TMCO4: variants seen among roughly 807,000 people sequenced by gnomAD.
TMCO4 encodes transmembrane and coiled-coil domains 4, also known as transmembrane and coiled-coil domain-containing protein 4.
Under a neutral mutation model 64.7 loss-of-function variants are expected in TMCO4, and 58 were observed. The ratio of observed to expected loss-of-function variants is 0.90; its 90% confidence interval spans 0.73 to 1.12. The LOEUF (loss-of-function observed/expected upper bound fraction) is 1.12. Among genes scored for constraint, TMCO4 ranks in the 50% most tolerant of loss-of-function variants. The probability of loss-of-function intolerance (pLI) is 0.00; values close to 1 mark genes in which losing one functional copy is unlikely to be tolerated. For synonymous variants in TMCO4, 325 were observed against 346.1 expected (o/e 0.94, Z 0.68); for missense variants, 780 against 825.9 (o/e 0.94, Z 0.68).
At chr1:19,699,325 C>T (rs2095256385) in intron 14 of TMCO4, among the ~76,000 whole-genome samples, 1 of 151,982 alleles carries the variant, frequency 6.6e-6, no homozygotes, top group African/African-American at 2.4e-5. Context: ...CCCAGAACCT[C>T]TGTACAGGAG....
At chr1:19,723,085 G>A (rs1206184146) in intron 13 of TMCO4, among the ~76,000 whole-genome samples, 4 of 152,186 alleles carry the variant, frequency 2.6e-5, no homozygotes, top group Non-Finnish European at 4.4e-5. Context: ...GGAGGTTAGG[G>A]CCACCTTCTC....
At position 19,780,579 on chromosome 1, in the gene TMCO4, C is replaced by T. The variant is rs775444281; in HGVS notation, c.179+1G>A. On this transcript the variant is annotated splice_donor_variant, in intron 4 of 15. Transcript: ENST00000294543. LOFTEE classifies it high-confidence loss of function. ...TCCCACTGCAAGACAGAAGAACTCA[C>T]CTGTGTTCGGGTTCAGGAAATAACT... 2 of 1,593,894 alleles carry T rather than the reference C, an allele frequency of 1.3e-6. No individual in the cohort carries two copies. Among genetic ancestry groups the T allele is most frequent in the Admixed American group, 1.8e-5 (1 of 55,984 alleles).
rs118131280 is a variant in TMCO4 at position 19,741,075 on chromosome 1, T to G, written c.878-134A>C. The G allele has an allele frequency of 3.2e-6, 3 of 939,668 alleles. No homozygotes were observed. The Admixed American group carries it at 9.5e-5, about 30-fold the overall frequency. The allele number at this position is 939,668 out of a possible 1,614,324, so 58.2% of individuals were successfully genotyped here. ...AAGAGGCCCACCCCCTGCCAATGAGTGGCAGCTGTCAGCAGAGCTAGCGGA... is the reference window on the plus strand; with the variant it reads ...AAGAGGCCCACCCCCTGCCAATGAGGGGCAGCTGTCAGCAGAGCTAGCGGA... On this transcript the variant is annotated intron_variant, in intron 10 of 15. Transcript: ENST00000294543.
At chr1:19,787,903 G>A (rs929159996) in intron 2 of TMCO4, among the ~76,000 whole-genome samples, 11 of 152,020 alleles carry the variant, frequency 7.2e-5, no homozygotes, top group African/African-American at 2.7e-4. Context: ...TTACAGGCAC[G>A]CACCACCATG....
At chr1:19,759,551 C>T (rs1347547722) in intron 6 of TMCO4, among the ~76,000 whole-genome samples, 1 of 152,230 alleles carries the variant, frequency 6.6e-6, no homozygotes, top group African/African-American at 2.4e-5. Context: ...TTCTACCCGG[C>T]CCTGCTTCAG....
chr1:19,756,482 A>G (rs1293086548), intron 6 of TMCO4, among the ~76,000 whole-genome samples: 1 of 152,178 alleles, frequency 6.6e-6, no homozygotes, highest in African/African-American at 2.4e-5. Flanking sequence ...TAATCTTAAG[A>G]AAACAACCGT....
At chr1:19,769,432 A>C (rs1040584447) in intron 6 of TMCO4, among the ~76,000 whole-genome samples, 2 of 152,136 alleles carry the variant, frequency 1.3e-5, no homozygotes, top group African/African-American at 2.4e-5. Flanking sequence ...CGCCCACTGC[A>C]CTGCTGCCCT....
At chr1:19,755,980 C>T (rs1316242615) in intron 6 of TMCO4, among the ~76,000 whole-genome samples, 1 of 152,096 alleles carries the variant, frequency 6.6e-6, no homozygotes, top group Admixed American at 6.6e-5. Context: ...GGTACGGTGG[C>T]TCACTCCTGT....
At position 19,724,970 on chromosome 1, in the gene TMCO4, C is replaced by A. The variant is rs1389581601; in HGVS notation, c.1264+12402G>T. On this transcript the variant is annotated intron_variant, in intron 13 of 15. Transcript: ENST00000294543. ...AGAGACGGGGTTTCACCATGTTGGC[C>A]AGGATGGTCTCAATCTCCTGACCTC... is the stretch of plus-strand genomic sequence containing the variant. Among the ~76,000 whole-genome samples the A allele has an allele frequency of 1.3e-5, 2 of 152,082 alleles. 1 individual carries two copies. The highest frequency in any genetic ancestry group is 4.8e-5 in the African/African-American group (2 of 41,414).
chr1:19,742,419 A>G (rs980838264), intron 10 of TMCO4, among the ~76,000 whole-genome samples: 21 of 152,326 alleles, frequency 1.4e-4, no homozygotes, highest in Admixed American at 2.6e-4. Flanking sequence ...GGTTCTGAGC[A>G]TCAACCTCAG....
intron 15 of TMCO4, among the ~76,000 whole-genome samples, chr1:19,689,185 C>A (rs143175085): frequency 6.6e-6 from 1 of 152,230 alleles, no homozygotes; most frequent in Non-Finnish European, 1.5e-5. Context: ...CCCTTGCCAG[C>A]AACTTCTCCA....
chr1:19,741,681 A>C (rs1412505545), intron 10 of TMCO4, among the ~76,000 whole-genome samples: 2 of 151,284 alleles, frequency 1.3e-5, no homozygotes, highest in African/African-American at 4.9e-5. Context: ...AGGGGCACCT[A>C]ATCTGGCCCC....
At chr1:19,733,452 G>A (rs912772751) in intron 13 of TMCO4, among the ~76,000 whole-genome samples, 1 of 152,132 alleles carries the variant, frequency 6.6e-6, no homozygotes, top group Non-Finnish European at 1.5e-5. Context: ...CATGGGTCAT[G>A]TGTCCATCAA....
At chr1:19,752,625 T>G (rs1437068286) in intron 7 of TMCO4, among the ~76,000 whole-genome samples, 3 of 152,134 alleles carry the variant, frequency 2.0e-5, no homozygotes, top group Non-Finnish European at 4.4e-5. Flanking sequence ...TTCCTAGTAA[T>G]GGCCTGGATG....
intron 2 of TMCO4, among the ~76,000 whole-genome samples, chr1:19,792,747 C>T (rs115887988): frequency 0.015 from 2,195 of 144,080 alleles, 51 homozygotes; most frequent in African/African-American, 0.053. Flanking sequence ...TTGGAGCAGT[C>T]AGTGAAGGTC....
chr1:19,760,114 CAGT>C, intron 6 of TMCO4, among the ~76,000 whole-genome samples: 1 of 152,278 alleles, frequency 6.6e-6, no homozygotes, highest in African/African-American at 2.4e-5. Flanking sequence ...CTCCTCCTCT[CAGT>C]GGGGTCTTCT....
intron 13 of TMCO4, among the ~76,000 whole-genome samples, chr1:19,708,548 CA>C (rs2095314132): frequency 6.6e-6 from 1 of 152,156 alleles, no homozygotes; most frequent in South Asian, 2.1e-4. Flanking sequence ...AAAGCGGGGC[CA>C]GCCCTTCCAA....
intron 2 of TMCO4, among the ~76,000 whole-genome samples, chr1:19,796,342 T>C (rs116346989): frequency 0.01 from 1,579 of 152,240 alleles, 15 homozygotes; most frequent in Non-Finnish European, 0.015. Context: ...CCAGCGAATG[T>C]GGGGCCTGCC....
intron 6 of TMCO4, among the ~76,000 whole-genome samples, chr1:19,759,747 C>T (rs188373461): frequency 6.6e-6 from 1 of 152,366 alleles, no homozygotes; most frequent in Admixed American, 6.5e-5. Context: ...GCTCAGCCCC[C>T]AGTCACCCCA....
Sources: gnomAD v4.1 joint callset for allele counts (sites outside exome capture counted in the v4.1 genomes callset) on GRCh38, gnomAD v4.1.1 for gene constraint, MANE v1.5 for transcripts, NCBI Gene and HGNC (gene_info 2026-07-23, HGNC 2026-07-21) for gene names.